The following GALNT18 variants were observed in gnomAD, a reference collection of about 807,000 sequenced individuals.
GALNT18 encodes the protein polypeptide N-acetylgalactosaminyltransferase 18, also known as GalNAc-transferase 18.
In GALNT18, 44 loss-of-function variants were observed where a neutral mutation model predicts 69.5. The observed-to-expected ratio is 0.63, with a 90% CI of 0.50 to 0.81. The LOEUF (loss-of-function observed/expected upper bound fraction) is 0.81. Ranked by LOEUF, GALNT18 falls within the 40% of genes least tolerant of loss-of-function variation. GALNT18 has a pLI of 0.00. For missense variants in GALNT18, 715 were observed against 810.0 expected (o/e 0.88, Z 1.42); for synonymous variants, 364 against 318.2 (o/e 1.14, Z -1.53).
chr11:11,397,348 A>C (rs1564928368), intron 3 of GALNT18, among the ~76,000 whole-genome samples: 2 of 152,186 alleles, frequency 1.3e-5, no homozygotes, highest in Non-Finnish European at 2.9e-5. Context: ...AAATCTGTGG[A>C]TTGTAGGCTT....
At position 11,511,991 on chromosome 11, in the gene GALNT18, A is replaced by G. The variant is rs1205286673; in HGVS notation, c.236-63055T>C. Among the ~76,000 whole-genome samples, 1 of 152,216 alleles carries G rather than the reference A, an allele frequency of 6.6e-6. No homozygotes were observed. Among genetic ancestry groups the G allele is most frequent in the Admixed American group, 6.5e-5 (1 of 15,286 alleles). On this transcript the variant is annotated intron_variant, in intron 1 of 10. Coordinates refer to ENST00000227756, the MANE Select transcript of GALNT18 (RefSeq NM_198516.3). The surrounding 1 kb of genome is among the most constrained non-coding windows in gnomAD (Gnocchi z 4.9). ...TATATGTATGCATACCATCATATGT[A>G]TACACATGTCTACATATATACACAC...
Position 11,621,437 on chromosome 11 carries a change from C to G in GALNT18, c.157G>C (p.Glu53Gln), listed in dbSNP as rs1037646700. 6.2e-7 allele frequency: 1 copy of G among 1,614,080 alleles called. No individual in the cohort carries two copies. Among genetic ancestry groups the G allele is most frequent in the Non-Finnish European group, 8.5e-7 (1 of 1,180,042 alleles). The change falls in exon 1 of 11, where the codon GAG (glutamate) becomes CAG (glutamine). Residue 53 changes from glutamate to glutamine, a missense_variant. Physicochemically the swap from Glu to Gln is conservative, Grantham distance 29. Transcript: ENST00000227756. The surrounding 1 kb of genome is among the most constrained non-coding windows in gnomAD (Gnocchi z 9.3). ...TTCAGAGTGTCCCCTTTGTCTTCCT[C>G]CAGCTTCTTGTCGGGCGCCGGCTCC... ...GQEPAPDKKL[E>Q]EDKGDTLKII...
intron 5 of GALNT18, among the ~76,000 whole-genome samples, chr11:11,374,848 T>G (rs1320537208): frequency 6.6e-6 from 1 of 152,258 alleles, no homozygotes; most frequent in Non-Finnish European, 1.5e-5. Flanking sequence ...AGGTCCTCTC[T>G]CAATTGTTCT....
At chr11:11,599,290 ATG>A (rs1211809721) in intron 1 of GALNT18, among the ~76,000 whole-genome samples, 25 of 152,040 alleles carry the variant, frequency 1.6e-4, no homozygotes, top group Non-Finnish European at 2.6e-4. Flanking sequence ...TAAGGTGCAT[ATG>A]TGTTTATAAT....
At chr11:11,289,614 G>C (rs1849261555) in intron 10 of GALNT18, among the ~76,000 whole-genome samples, 1 of 152,234 alleles carries the variant, frequency 6.6e-6, no homozygotes, top group Admixed American at 6.5e-5. Flanking sequence ...GGACAGACAA[G>C]ATGGGAGGAG....
At chr11:11,297,658 A>C (rs1005056908) in intron 9 of GALNT18, among the ~76,000 whole-genome samples, 4 of 152,154 alleles carry the variant, frequency 2.6e-5, no homozygotes, top group African/African-American at 9.7e-5. Flanking sequence ...AAGATGCTAC[A>C]AAGTTCTGAG....
At position 11,377,144 on chromosome 11, in the gene GALNT18, T is replaced by A. The variant is rs369911883; in HGVS notation, c.977+38A>T. 6.3e-7 allele frequency: 1 copy of A among 1,595,924 alleles called. No homozygotes were observed. The highest frequency in any genetic ancestry group is 8.6e-7 in the Non-Finnish European group (1 of 1,166,298). ...CAGTAGGCGGTCCCTAGCCTGGAGG[T>A]CAAAGCGGAGAGACCCACAGGTAAA... is the stretch of plus-strand genomic sequence containing the variant. On this transcript the variant is annotated intron_variant, in intron 5 of 10. Coordinates refer to ENST00000227756, the MANE Select transcript of GALNT18 (RefSeq NM_198516.3). The surrounding 1 kb of genome is among the most constrained non-coding windows in gnomAD (Gnocchi z 4.6).
chr11:11,302,072 G>A (rs967779927), intron 9 of GALNT18, among the ~76,000 whole-genome samples: 7 of 152,200 alleles, frequency 4.6e-5, no homozygotes, highest in Admixed American at 4.6e-4. Flanking sequence ...AGCCACAGAC[G>A]CTTGACAGTA....
At position 11,325,917 on chromosome 11, in the gene GALNT18, TTCACACACAGAGTGA is replaced by T. The variant is rs577998047; in HGVS notation, c.1512+1154_1512+1168del. ...GGACAATCCCTGGGAAGGCTCAGCA[TTCACACACAGAGTGA>T]CATACACGTCATGATGTCCTTCAGT... On this transcript the variant is annotated intron_variant, in intron 9 of 10. Coordinates refer to ENST00000227756, the MANE Select transcript of GALNT18 (RefSeq NM_198516.3). Among the ~76,000 whole-genome samples, 253 of 152,298 alleles carry T rather than the reference TTCACACACAGAGTGA, an allele frequency of 1.7e-3. 1 individual carries two copies. Among genetic ancestry groups the T allele is most frequent in the African/African-American group, 5.9e-3 (244 of 41,556 alleles).
chr11:11,472,046 A>G (rs955428262), intron 1 of GALNT18, among the ~76,000 whole-genome samples: 4 of 152,196 alleles, frequency 2.6e-5, no homozygotes, highest in Non-Finnish European at 4.4e-5. Context: ...TTATTTAGGG[A>G]TTGCTTGCAA....
chr11:11,542,360 C>G lies in GALNT18; in HGVS notation c.235+78999G>C, dbSNP rs944656307. 8.5e-5 allele frequency among the ~76,000 whole-genome samples: 13 copies of G among 152,200 alleles called. No individual in the cohort carries two copies. Among genetic ancestry groups the G allele is most frequent in the African/African-American group, 3.1e-4 (13 of 41,446 alleles). ...GCTACCATAGCAACCTGGACCTCCTCTCCAGATCACTCCTACTTCCATGTT... is the reference window on the plus strand; with the variant it reads ...GCTACCATAGCAACCTGGACCTCCTGTCCAGATCACTCCTACTTCCATGTT... On this transcript the variant is annotated intron_variant, in intron 1 of 10. Transcript: ENST00000227756. This position sits in a 1 kb window ranked among gnomAD's most constrained non-coding sequence, Gnocchi z 4.3.
At position 11,283,336 on chromosome 11, in the gene GALNT18, G is replaced by A. The variant is rs550108071; in HGVS notation, c.1677+9693C>T. Reference sequence around the variant, plus strand: ...TAGTATTTGTATTTTTAGGAGAGATGGAGTTTTGCCATGTTGGCCAGGCTG... The same window carrying A: ...TAGTATTTGTATTTTTAGGAGAGATAGAGTTTTGCCATGTTGGCCAGGCTG... On this transcript the variant is annotated intron_variant, in intron 10 of 10. Coordinates refer to ENST00000227756, the MANE Select transcript of GALNT18 (RefSeq NM_198516.3). Among the ~76,000 whole-genome samples, 62 of 152,194 alleles carry A rather than the reference G, an allele frequency of 4.1e-4. 1 individual carries two copies. The highest frequency in any genetic ancestry group is 1.0e-3 in the African/African-American group (43 of 41,498).
At position 11,372,163 on chromosome 11, in the gene GALNT18, A is replaced by G. The variant is rs1850923031; in HGVS notation, c.1092+352T>C. ...GAGAAATCCCAAGGGGAGCTGACTCAGGGTCACTCTTGTCCAGCCACTCTC... is the reference window on the plus strand; with the variant it reads ...GAGAAATCCCAAGGGGAGCTGACTCGGGGTCACTCTTGTCCAGCCACTCTC... On this transcript the variant is annotated intron_variant, in intron 6 of 10. Coordinates refer to ENST00000227756, the MANE Select transcript of GALNT18 (RefSeq NM_198516.3). This position sits in a 1 kb window ranked among gnomAD's most constrained non-coding sequence, Gnocchi z 4.9. Among the ~76,000 whole-genome samples the G allele has an allele frequency of 6.6e-6, 1 of 152,210 alleles. No homozygotes were observed. The highest frequency in any genetic ancestry group is 1.5e-5 in the Non-Finnish European group (1 of 68,026).
chr11:11,433,567 C>T (rs1855325483), intron 2 of GALNT18, among the ~76,000 whole-genome samples: 1 of 152,212 alleles, frequency 6.6e-6, no homozygotes, highest in South Asian at 2.1e-4. Context: ...GCCCATTTCC[C>T]CTTAGCTCTG....
chr11:11,529,443 T>C (rs532356928), intron 1 of GALNT18, among the ~76,000 whole-genome samples: 89 of 152,310 alleles, frequency 5.8e-4, no homozygotes, highest in African/African-American at 2.0e-3. Flanking sequence ...ACATTTGTTC[T>C]TCTTGGGTCT....
In GALNT18 at chr11:11,412,442, C is replaced by G. The variant is rs7120344; in HGVS notation, c.595+20179G>C. Among the ~76,000 whole-genome samples, 289 of 152,286 alleles carry G rather than the reference C, an allele frequency of 1.9e-3. 1 individual carries two copies. Among genetic ancestry groups the G allele is most frequent in the African/African-American group, 6.5e-3 (269 of 41,564 alleles). ...ACTGAGTCTTATATAACCCAAGCCA[C>G]CGCTTCACACAGGTGCTCTGTCCAT... On this transcript the variant is annotated intron_variant, in intron 3 of 10. Transcript: ENST00000227756.
At chr11:11,282,330 A>G (rs560974684) in intron 10 of GALNT18, among the ~76,000 whole-genome samples, 1 of 152,314 alleles carries the variant, frequency 6.6e-6, no homozygotes, top group South Asian at 2.1e-4. Flanking sequence ...AGCTGAGATG[A>G]GAGGAATAAC....
Position 11,505,126 on chromosome 11 carries a change from G to C in GALNT18, c.236-56190C>G, listed in dbSNP as rs914414857. 6.6e-6 allele frequency among the ~76,000 whole-genome samples: 1 copy of C among 152,224 alleles called. No homozygotes were observed. Among genetic ancestry groups the C allele is most frequent in the Non-Finnish European group, 1.5e-5 (1 of 68,052 alleles). On this transcript the variant is annotated intron_variant, in intron 1 of 10. Transcript: ENST00000227756. This position sits in a 1 kb window ranked among gnomAD's most constrained non-coding sequence, Gnocchi z 4.6. ...ACCTTGAGGGGATGACATTTGAAGA[G>C]GGCTTGAAGAATGAGTGGAGTTCAG...
At chr11:11,281,463 T>G (rs1336018937) in intron 10 of GALNT18, among the ~76,000 whole-genome samples, 1 of 152,158 alleles carries the variant, frequency 6.6e-6, no homozygotes, top group African/African-American at 2.4e-5. Context: ...CGCTGCCCAC[T>G]CAGCTGAAGA....
Sources: allele counts gnomAD v4.1 joint callset (sites outside exome capture counted in the v4.1 genomes callset), GRCh38; gene constraint gnomAD v4.1.1; non-coding constraint Gnocchi (gnomAD v3.1); transcripts MANE v1.5; gene names NCBI Gene and HGNC (gene_info 2026-07-23, HGNC 2026-07-21).